Variants in UVSSA observed in about 807,000 individuals in gnomAD.
UVSSA encodes the protein UV-stimulated scaffold protein A.
In UVSSA, 72 loss-of-function variants were observed where a neutral mutation model predicts 73.9. The observed-to-expected ratio is 0.97, with a 90% confidence interval of 0.81 to 1.19. The LOEUF (loss-of-function observed/expected upper bound fraction) is 1.19. Ranked by LOEUF, UVSSA falls within the 50% of genes most tolerant of loss-of-function variation. The pLI, the probability that UVSSA is intolerant of heterozygous loss-of-function variation, is 0.00. For synonymous variants in UVSSA, 454 were observed against 391.3 expected, an observed-to-expected ratio of 1.16 and a Z score of -1.89; for missense variants, 1,150 against 965.0, an observed-to-expected ratio of 1.19 and a Z score of -2.54.
chr4:1,371,572 A>G (rs1274720228), intron 8 of UVSSA, among the ~76,000 whole-genome samples: 1 of 152,236 alleles, frequency 6.6e-6, no homozygotes, highest in Non-Finnish European at 1.5e-5. Flanking sequence ...TACTGGACTT[A>G]GCGTTCCACA....
intron 7 of UVSSA, among the ~76,000 whole-genome samples, chr4:1,360,510 GC>G (rs1483419426): frequency 3.3e-5 from 5 of 152,112 alleles, no homozygotes; most frequent in Non-Finnish European, 7.4e-5. Context: ...CCTTGTCCAG[GC>G]CTGGCCTCCT....
chr4:1,386,241 T>A lies in UVSSA; in HGVS notation c.*280T>A. ...TCCAGAGGGCTTCTGCGAGTCCTCG[T>A]GAGACCAGTGCTTGTCGTGGTGTGG... On this transcript the variant is annotated 3_prime_UTR_variant, in exon 14 of 14. Transcript: ENST00000389851. 2 of 427,434 alleles carry A rather than the reference T, an allele frequency of 4.7e-6. No homozygotes were observed. Among genetic ancestry groups the A allele is most frequent in the Non-Finnish European group, 8.7e-6 (2 of 229,548 alleles). The allele number at this position is 427,434 out of a possible 1,614,324, so 26.5% of individuals were successfully genotyped here.
At chr4:1,394,057 C>T in exon 14 of UVSSA, 1 of 283,902 alleles carries the variant, frequency 3.5e-6, no homozygotes, top group South Asian at 3.7e-5. Context: ...GTGGTCAGTG[C>T]TCCAGCAGGC....
chr4:1,377,892 G>A (rs544329801), intron 10 of UVSSA, among the ~76,000 whole-genome samples: 10 of 152,362 alleles, frequency 6.6e-5, no homozygotes, highest in African/African-American at 2.2e-4. Context: ...GCAGCGGCCC[G>A]GGCTGGGGAA....
chr4:1,380,400 A>T (rs1387667289), intron 11 of UVSSA, among the ~76,000 whole-genome samples, 170 bp downstream of exon 11: 4 of 152,220 alleles, frequency 2.6e-5, no homozygotes, highest in Non-Finnish European at 4.4e-5. Context: ...GCCGTTGGCC[A>T]TCAGAGCATG....
intron 7 of UVSSA, among the ~76,000 whole-genome samples, chr4:1,359,738 C>G (rs1474860366): frequency 1.3e-5 from 2 of 152,170 alleles, no homozygotes; most frequent in African/African-American, 4.8e-5. Context: ...GGTTTTCTTT[C>G]TCTGTCGGCC....
At position 1,353,221 on chromosome 4, in the gene UVSSA, G is replaced by T; in HGVS notation, c.742G>T (p.Gly248Trp). 1 of 1,612,230 alleles carries T rather than the reference G, an allele frequency of 6.2e-7. No homozygotes were observed. ...CRSGTPDPRD[G>W]EQPCCSRDLP... ...GTCTGGCACCCCTGACCCCCGGGAC[G>T]GGGAGCAGCCCTGCTGCAGTAGAGA... Residue 248 changes from glycine to tryptophan, a missense_variant, in exon 5 of 14, where the codon GGG (glycine) becomes TGG (tryptophan). Physicochemically the swap from Gly to Trp is radical, Grantham distance 184. Transcript: ENST00000389851.
intron 7 of UVSSA, among the ~76,000 whole-genome samples, chr4:1,361,876 AGG>A (rs150866724): frequency 6.6e-6 from 1 of 151,312 alleles, no homozygotes; most frequent in Non-Finnish European, 1.5e-5. Context: ...TTTTATAAAA[AGG>A]GAAACAGACA....
rs547755142 is a variant in UVSSA at position 1,379,980 on chromosome 4, C to T, written c.1569-67C>T. On this transcript the variant is annotated intron_variant, in intron 10 of 13. Coordinates refer to ENST00000389851, the MANE Select transcript of UVSSA (RefSeq NM_020894.4). ...GGTGTTTGGCCTTCCCCTGTGCCTG[C>T]ACCACCGTGGCCACGCTCTTCTGGG... The T allele has an allele frequency of 6.6e-6, 10 of 1,512,440 alleles. No homozygotes were observed. In the Admixed American group the frequency reaches 1.4e-4, roughly 21 times the overall value. The allele number at this position is 1,512,440 out of a possible 1,614,324, so 93.7% of individuals were successfully genotyped here.
At chr4:1,380,622 C>A in intron 11 of UVSSA, 4 of 1,509,422 alleles carry the variant, frequency 2.7e-6, no homozygotes, top group South Asian at 1.2e-5. Flanking sequence ...TATGGCCATG[C>A]TGGATGAGGG....
At chr4:1,343,693 A>G (rs1713510481), upstream of UVSSA, among the ~76,000 whole-genome samples, 1 of 152,192 alleles carries the variant, frequency 6.6e-6, no homozygotes, top group African/African-American at 2.4e-5. Flanking sequence ...AGGCTGAGGC[A>G]GGAAAATCGC....
At chr4:1,358,083 C>T (rs934374565) in intron 7 of UVSSA, 9 of 152,664 alleles carry the variant, frequency 5.9e-5, no homozygotes, top group South Asian at 2.1e-4. Flanking sequence ...GTGACCCCAG[C>T]CCTTGGCACA....
chr4:1,379,916 TG>T, intron 10 of UVSSA, 130 bp from the exon 11 acceptor site: 2 of 1,047,022 alleles, frequency 1.9e-6, no homozygotes, highest in Non-Finnish European at 2.7e-6. Context: ...GTGTTCTCCC[TG>T]GGTGCTGTCC....
At chr4:1,354,909 G>GGGGC (rs1421018262) in intron 6 of UVSSA, 62 bp downstream of exon 6, 1 of 1,454,190 alleles carries the variant, frequency 6.9e-7, no homozygotes, top group Non-Finnish European at 9.5e-7. Context: ...TGCATGGGGG[G>GGGGC]GGTCCCTTTC....
chr4:1,356,372 G>GC (rs869117497), intron 7 of UVSSA, among the ~76,000 whole-genome samples: 2 of 152,068 alleles, frequency 1.3e-5, no homozygotes, highest in Admixed American at 1.3e-4. Context: ...GTGGTGTGCA[G>GC]CCCCCCCAGG....
At chr4:1,367,539 G>A (rs930208226) in intron 8 of UVSSA, among the ~76,000 whole-genome samples, 2 of 152,260 alleles carry the variant, frequency 1.3e-5, no homozygotes, top group East Asian at 3.9e-4. Flanking sequence ...CCTGTTTACT[G>A]GGGCCTGCTG....
chr4:1,393,397 G>A (rs1560500157), exon 14 of UVSSA: 1 of 152,076 alleles, frequency 6.6e-6, no homozygotes. Context: ...CTGATTTAAA[G>A]TACTTGTCTA....
At position 1,348,187 on chromosome 4, in the gene UVSSA, C is replaced by G; in HGVS notation, c.96C>G (p.Cys32Trp). The G allele has an allele frequency of 6.2e-7, 1 of 1,612,374 alleles. No individual in the cohort carries two copies. The highest frequency in any genetic ancestry group is 8.5e-7 in the Non-Finnish European group (1 of 1,178,866). ...AAATGAAGGAACTGAAGAAAATTTG[C>G]AAGTATGTCTTAGGGTTCAGTAACA... The part of the protein sequence containing the change: ...PEKMKELKKI[C>W]KSSEEQLSRA... Residue 32 changes from cysteine to tryptophan, a missense_variant and splice_region_variant, in exon 2 of 14, where the codon TGC (cysteine) becomes TGG (tryptophan). By Grantham distance (215) the Cys-to-Trp change is radical. Transcript: ENST00000389851.
rs116163447 is a variant in UVSSA at position 1,362,411 on chromosome 4, T to C, written c.1177-3909T>C. On this transcript the variant is annotated intron_variant, in intron 7 of 13. Coordinates refer to ENST00000389851, the MANE Select transcript of UVSSA (RefSeq NM_020894.4). ...GGTGTGGGCACGGGTCACAGCCCCC[T>C]TGGGAGGGGACAGCCTGCAGGTGAC... 1.0e-3 allele frequency among the ~76,000 whole-genome samples: 159 copies of C among 152,306 alleles called. 1 individual carries two copies. The highest frequency in any genetic ancestry group is 3.6e-3 in the African/African-American group (150 of 41,588).
Sources: allele counts gnomAD v4.1 joint callset (sites outside exome capture counted in the v4.1 genomes callset), GRCh38; gene constraint gnomAD v4.1.1; transcripts MANE v1.5; gene names NCBI Gene and HGNC (gene_info 2026-07-23, HGNC 2026-07-21).